Variants in DHX30 observed in about 807,000 individuals in gnomAD.
DHX30 encodes ATP-dependent RNA helicase DHX30.
A neutral mutation model predicts 116.9 loss-of-function variants in DHX30; 4 were observed. The ratio of observed to expected loss-of-function variants is 0.03; its 90% CI spans 0.02 to 0.08. DHX30 has a LOEUF of 0.08. DHX30 is among the 10% of genes least tolerant of loss of function. The pLI, the probability that DHX30 is intolerant of heterozygous loss-of-function variation, is 1.00. For missense variants in DHX30, 871 were observed against 1,595.1 expected (o/e 0.55, Z 7.73); for synonymous variants, 697 against 651.7 (o/e 1.07, Z -1.06).
intron 2 of DHX30, 116 bp from the exon 3 acceptor site, chr3:47,810,541 G>A: frequency 1.2e-6 from 1 of 807,490 alleles, no homozygotes; most frequent in Non-Finnish European, 2.1e-6. Context: ...GCTCATTAGT[G>A]AAGAGTTTCA....
intron 4 of DHX30, among the ~76,000 whole-genome samples, chr3:47,826,731 C>T (rs905308437): frequency 8.5e-5 from 13 of 152,288 alleles, no homozygotes; most frequent in East Asian, 1.9e-4. Flanking sequence ...GGATTACAGG[C>T]GTGAGCCACC....
intron 3 of DHX30, among the ~76,000 whole-genome samples, chr3:47,813,308 C>T (rs904884090): frequency 6.6e-6 from 1 of 152,136 alleles, no homozygotes; most frequent in Non-Finnish European, 1.5e-5. Flanking sequence ...GCGCCACTGT[C>T]TGGCCTGGGC....
At chr3:47,844,053 G>T (rs1282671023) in intron 9 of DHX30, among the ~76,000 whole-genome samples, 1 of 152,218 alleles carries the variant, frequency 6.6e-6, no homozygotes, top group Non-Finnish European at 1.5e-5. Flanking sequence ...GCACAGTAGT[G>T]GGAGGGAGTT....
At chr3:47,818,645 G>C (rs772699405) in intron 4 of DHX30, among the ~76,000 whole-genome samples, 12 of 152,256 alleles carry the variant, frequency 7.9e-5, no homozygotes, top group Middle Eastern at 6.8e-3. Flanking sequence ...CTGTCCTTTT[G>C]ATTGGGGAGA....
intron 3 of DHX30, among the ~76,000 whole-genome samples, chr3:47,813,588 A>C (rs1275905399): frequency 6.6e-6 from 1 of 152,222 alleles, no homozygotes; most frequent in Non-Finnish European, 1.5e-5. Flanking sequence ...GCCCGTGTTG[A>C]AGCTGATTCT....
Position 47,840,957 on chromosome 3 carries a change from T to C in DHX30, c.447T>C (p.Pro149=). 1 of 1,614,234 alleles carries C rather than the reference T, an allele frequency of 6.2e-7. No homozygotes were observed. Among genetic ancestry groups the C allele is most frequent in the Non-Finnish European group, 8.5e-7 (1 of 1,180,044 alleles). ...TGCTAGCTGATCGCTTTGGCTCCCC[T>C]GCCGACAGCTGGTGGCGTCCGGAAC... is the stretch of plus-strand genomic sequence containing the variant. ...YRVLADRFGS[P]ADSWWRPEPT... is the part of the protein sequence containing the mutation. The change falls in exon 7 of 22, where the codon CCT becomes CCC. Residue 149 remains proline, a synonymous_variant. Coordinates refer to ENST00000445061, the MANE Select transcript of DHX30 (RefSeq NM_138615.3).
intron 6 of DHX30, among the ~76,000 whole-genome samples, chr3:47,834,104 T>C (rs113050383): frequency 0.042 from 6,348 of 152,200 alleles, 447 homozygotes; most frequent in African/African-American, 0.14. Context: ...TGTGGTATTT[T>C]CATTTTGTTT....
At position 47,847,892 on chromosome 3, in the gene DHX30, A is replaced by G; in HGVS notation, c.2222A>G (p.Asn741Ser). 1 of 1,614,180 alleles carries G rather than the reference A, an allele frequency of 6.2e-7. No homozygotes were observed. The highest frequency in any genetic ancestry group is 8.5e-7 in the Non-Finnish European group (1 of 1,180,036). Residue 741 changes from asparagine (N) to serine (S), a missense_variant, in exon 14 of 22, where the codon AAT (asparagine) becomes AGT (serine). Around this residue, in one of 13 missense-constraint regions of DHX30, gnomAD observed 20 missense variants for 82.2 expected, o/e 0.24. Transcript: ENST00000445061. This position sits in a 1 kb window ranked among gnomAD's most constrained non-coding sequence, Gnocchi z 5.5. ...ATTGCTGAGACTTCCATCACAATCA[A>G]TGACATCGTGCATGTGGTGGACAGT... is the stretch of plus-strand genomic sequence containing the variant. ...TNIAETSITI[N>S]DIVHVVDSGL... is the part of the protein sequence containing the mutation.
intron 3 of DHX30, among the ~76,000 whole-genome samples, chr3:47,811,909 A>G (rs2106945391): frequency 6.6e-6 from 1 of 152,164 alleles, no homozygotes; most frequent in South Asian, 2.1e-4. Context: ...ACTAAAATAC[A>G]AAAAATTATC....
chr3:47,821,345 A>G (rs2036291119), intron 4 of DHX30, among the ~76,000 whole-genome samples: 1 of 152,026 alleles, frequency 6.6e-6, no homozygotes, highest in Non-Finnish European at 1.5e-5. Context: ...GGCTCACCGC[A>G]ACCTCCGCCT....
Position 47,850,014 on chromosome 3 carries a change from T to C in DHX30, c.3479T>C (p.Leu1160Pro). 1 of 1,611,052 alleles carries C rather than the reference T, an allele frequency of 6.2e-7. No homozygotes were observed. The highest frequency in any genetic ancestry group is 8.5e-7 in the Non-Finnish European group (1 of 1,179,376). ...AGCCTGCGCAGCGAGCTGGCTGCACTTCCCCCCAGCGTACAGGAGGAGCAC... is the reference window on the plus strand; with the variant it reads ...AGCCTGCGCAGCGAGCTGGCTGCACCTCCCCCCAGCGTACAGGAGGAGCAC... ...ERSLRSELAALPPSVQEEHGQ... is the reference protein window; with the variant it reads ...ERSLRSELAAPPPSVQEEHGQ... The change falls in exon 22 of 22, where the codon CTT (leucine) becomes CCT (proline). Residue 1160 changes from leucine to proline, a missense_variant. Coordinates refer to ENST00000445061, the MANE Select transcript of DHX30 (RefSeq NM_138615.3).
At chr3:47,835,419 C>T (rs1049352267) in intron 6 of DHX30, among the ~76,000 whole-genome samples, 9 of 152,122 alleles carry the variant, frequency 5.9e-5, no homozygotes, top group African/African-American at 9.7e-5. Context: ...CTGCCTGCCT[C>T]GGCTTCCCAT....
chr3:47,809,926 A>G (rs2035716239), intron 2 of DHX30, among the ~76,000 whole-genome samples: 5 of 152,222 alleles, frequency 3.3e-5, no homozygotes, highest in Admixed American at 3.3e-4. Context: ...GTATTTTTTA[A>G]AACAAAATTG....
Position 47,849,259 on chromosome 3 carries a change from C to A in DHX30, c.2997C>A (p.Thr999=), listed in dbSNP as rs772855790. The change falls in exon 19 of 22, where the codon ACC becomes ACA. Residue 999 remains threonine (T), a synonymous_variant. Transcript: ENST00000445061. Reference sequence around the variant, plus strand: ...TGGTGGGGAAGCCCTCGGACTGCACCCTGGCCTCCGCCCAGTGCAACGAGT... The same window carrying A: ...TGGTGGGGAAGCCCTCGGACTGCACACTGGCCTCCGCCCAGTGCAACGAGT... The part of the protein sequence containing the change: ...AFLVGKPSDC[T]LASAQCNEYS... 1 of 1,614,030 alleles carries A rather than the reference C, an allele frequency of 6.2e-7. No homozygotes were observed. Among genetic ancestry groups the A allele is most frequent in the African/African-American group, 1.3e-5 (1 of 74,936 alleles).
At chr3:47,813,291 C>T (rs1292408940) in intron 3 of DHX30, among the ~76,000 whole-genome samples, 1 of 152,066 alleles carries the variant, frequency 6.6e-6, no homozygotes, top group East Asian at 1.9e-4. Context: ...TGCAGTGAGC[C>T]GAGATCGCGC....
chr3:47,848,882 CCT>C lies in DHX30; in HGVS notation c.2770-37_2770-36del. 6.3e-7 allele frequency: 1 copy of C among 1,597,098 alleles called. No homozygotes were observed. Among genetic ancestry groups the C allele is most frequent in the Non-Finnish European group, 8.6e-7 (1 of 1,167,750 alleles). ...TGTTCTGAGGGGGCGTTGTCTAGCC[CCT>C]GCCTGTGATCCGGCTGCCCTCTTCT... On this transcript the variant is annotated intron_variant, in intron 17 of 21. Coordinates refer to ENST00000445061, the MANE Select transcript of DHX30 (RefSeq NM_138615.3). This position sits in a 1 kb window ranked among gnomAD's most constrained non-coding sequence, Gnocchi z 9.4.
chr3:47,844,228 G>A (rs1481057192), intron 9 of DHX30, among the ~76,000 whole-genome samples: 1 of 152,240 alleles, frequency 6.6e-6, no homozygotes, highest in African/African-American at 2.4e-5. Flanking sequence ...TACAGCTGAT[G>A]GTGAGAGGTA....
chr3:47,828,758 G>A (rs974687098), intron 5 of DHX30, among the ~76,000 whole-genome samples: 2 of 151,824 alleles, frequency 1.3e-5, no homozygotes, highest in South Asian at 2.1e-4. Context: ...GATGGATCCC[G>A]GCTTGGCCTC....
In DHX30 at chr3:47,841,613, C is replaced by T. The variant is rs2037378813; in HGVS notation, c.669-4C>T. The stretch of plus-strand genomic sequence containing the variant: ...TCTTTCAGTTAAACTTTTGGTCCTC[C>T]CAGGGGGAGTTCCTTTGAGATGACA... On this transcript the variant is annotated splice_region_variant and splice_polypyrimidine_tract_variant and intron_variant, in intron 7 of 21. Coordinates refer to ENST00000445061, the MANE Select transcript of DHX30 (RefSeq NM_138615.3). The T allele has an allele frequency of 1.2e-6, 2 of 1,614,190 alleles. No individual in the cohort carries two copies. Among genetic ancestry groups the T allele is most frequent in the East Asian group, 4.5e-5 (2 of 44,888 alleles).
Sources: gnomAD v4.1 joint callset for allele counts (sites outside exome capture counted in the v4.1 genomes callset) on GRCh38, gnomAD v4.1.1 for gene constraint, gnomAD v4.1.1 regional missense constraint, Gnocchi (gnomAD v3.1) non-coding constraint, MANE v1.5 for transcripts, NCBI Gene and HGNC (gene_info 2026-07-23, HGNC 2026-07-21) for gene names.